The following COL5A2 variants were observed in gnomAD, a reference collection of about 807,000 sequenced individuals.
COL5A2 encodes collagen alpha-2(V) chain.
A neutral mutation model predicts 208.2 loss-of-function variants in COL5A2; 23 were observed. The observed-to-expected ratio is 0.11, with a 90% CI of 0.08 to 0.16. The LOEUF (loss-of-function observed/expected upper bound fraction) is 0.16, where lower values mean the gene tolerates loss of function less well. COL5A2 is among the 10% of genes least tolerant of loss of function. COL5A2 has a pLI of 1.00. For missense variants in COL5A2, 1,590 were observed against 1,956.4 expected (o/e 0.81, Z 3.53); for synonymous variants, 625 against 628.5 (o/e 0.99, Z 0.08).
chr2:189,151,829 A>T (rs904390366), intron 1 of COL5A2, among the ~76,000 whole-genome samples: 6 of 152,184 alleles, frequency 3.9e-5, no homozygotes, highest in Non-Finnish European at 2.9e-5. Context: ...TATCCTAGTA[A>T]GAAATTATAT....
In COL5A2 at chr2:189,033,595, A is replaced by G. The variant is rs1389392789; in HGVS notation, c.*475T>C. Reference sequence around the variant, plus strand: ...ATTTTAAACTCATTTTTAATTGACAATCTTGGAATGAGAGGTCACAAAAGG... The same window carrying G: ...ATTTTAAACTCATTTTTAATTGACAGTCTTGGAATGAGAGGTCACAAAAGG... On this transcript the variant is annotated 3_prime_UTR_variant, in exon 54 of 54. Transcript: ENST00000374866. 5.6e-6 allele frequency: 1 copy of G among 177,474 alleles called. No individual in the cohort carries two copies. Among genetic ancestry groups the G allele is most frequent in the Admixed American group, 5.5e-5 (1 of 18,258 alleles). The allele number at this position is 177,474 out of a possible 1,614,324, so 11.0% of individuals were successfully genotyped here.
the COL5A2 span, among the ~76,000 whole-genome samples, chr2:189,261,223 T>A: frequency 6.6e-6 from 1 of 152,160 alleles, no homozygotes; most frequent in Admixed American, 6.6e-5. Context: ...GAACAATTAA[T>A]ACTGAAACCA....
intron 1 of COL5A2, among the ~76,000 whole-genome samples, chr2:189,179,239 G>A (rs1688737859): frequency 6.6e-6 from 1 of 152,028 alleles, no homozygotes; most frequent in Non-Finnish European, 1.5e-5. Flanking sequence ...TATTTTAAAC[G>A]TCCCACTCTC....
chr2:189,120,609 T>C (rs1431331871), intron 1 of COL5A2, among the ~76,000 whole-genome samples: 1 of 152,232 alleles, frequency 6.6e-6, no homozygotes, highest in African/African-American at 2.4e-5. Context: ...GTATATCATC[T>C]ATTGATTCTC....
chr2:189,087,746 C>T (rs1046159679), intron 8 of COL5A2, among the ~76,000 whole-genome samples: 3 of 151,050 alleles, frequency 2.0e-5, no homozygotes, highest in South Asian at 2.1e-4. Flanking sequence ...GGAGAACAGG[C>T]GTGAGCCACC....
chr2:189,084,673 G>A (rs1314938811), intron 11 of COL5A2, among the ~76,000 whole-genome samples: 2 of 152,116 alleles, frequency 1.3e-5, no homozygotes, highest in African/African-American at 2.4e-5. Context: ...TGTTCTTAAT[G>A]TTAAAATCTG....
At chr2:189,107,468 G>C (rs1687173862) in intron 2 of COL5A2, among the ~76,000 whole-genome samples, 1 of 151,004 alleles carries the variant, frequency 6.6e-6, no homozygotes, top group African/African-American at 2.4e-5. Context: ...GGTTTTTATG[G>C]GACCATGTTT....
the COL5A2 span, among the ~76,000 whole-genome samples, chr2:189,323,021 C>A: frequency 6.6e-6 from 1 of 152,058 alleles, no homozygotes; most frequent in Non-Finnish European, 1.5e-5. Context: ...TCAACATACA[C>A]AAATCAATAA....
chr2:189,124,091 C>T (rs528765337), intron 1 of COL5A2, among the ~76,000 whole-genome samples: 336 of 152,134 alleles, frequency 2.2e-3, no homozygotes, highest in Admixed American at 5.2e-3. Context: ...ACAGGTAAAG[C>T]ATGGTTTACC....
At chr2:189,222,341 T>C (rs1689356692) in intron 1 of COL5A2, among the ~76,000 whole-genome samples, 1 of 152,158 alleles carries the variant, frequency 6.6e-6, no homozygotes, top group Non-Finnish European at 1.5e-5. Context: ...AGAGCACATA[T>C]ATATGTATTT....
At chr2:189,149,094 C>T (rs1398879313) in intron 1 of COL5A2, among the ~76,000 whole-genome samples, 1 of 152,204 alleles carries the variant, frequency 6.6e-6, no homozygotes, top group East Asian at 1.9e-4. Context: ...GAGCCGAGAT[C>T]GCACCACTGC....
At chr2:189,121,176 C>A (rs533862758) in intron 1 of COL5A2, among the ~76,000 whole-genome samples, 2 of 151,934 alleles carry the variant, frequency 1.3e-5, no homozygotes, top group African/African-American at 4.8e-5. Context: ...GATTTGAGTT[C>A]TTTAACTTCC....
chr2:189,381,516 T>C, the COL5A2 span, among the ~76,000 whole-genome samples: 1 of 152,066 alleles, frequency 6.6e-6, no homozygotes, highest in Non-Finnish European at 1.5e-5. Context: ...GGAAGGAAGA[T>C]ACTTTGTTCT....
At chr2:189,096,241 G>A (rs1036016338) in intron 6 of COL5A2, 2 of 152,004 alleles carry the variant, frequency 1.3e-5, no homozygotes, top group South Asian at 2.1e-4. Context: ...AAAATCTACT[G>A]AGAGTTTTAA....
the COL5A2 span, among the ~76,000 whole-genome samples, chr2:189,401,743 T>C: frequency 6.6e-6 from 1 of 152,234 alleles, no homozygotes; most frequent in African/African-American, 2.4e-5. Context: ...TTTGACTTTT[T>C]AATATTAATA....
chr2:189,237,400 C>G, the COL5A2 span, among the ~76,000 whole-genome samples: 1 of 95,316 alleles, frequency 1.0e-5, no homozygotes, highest in Admixed American at 1.1e-4. Context: ...AAGACAATAA[C>G]AGCAAAAAAA....
rs1688059936 is a variant in COL5A2, at chr2:189,147,370, C to T, written c.97+32138G>A. Among the ~76,000 whole-genome samples the T allele has an allele frequency of 2.6e-5, 4 of 152,104 alleles. No homozygotes were observed. In the South Asian group the frequency reaches 8.3e-4, roughly 32 times the overall value. On this transcript the variant is annotated intron_variant, in intron 1 of 53. Coordinates refer to ENST00000374866, the MANE Select transcript of COL5A2 (RefSeq NM_000393.5). ...AAAGACAAGTTGTCAATATGATCCC[C>T]ATTCATAAAGACAGAATTCAGCGAA...
chr2:189,416,180 A>C, the COL5A2 span, among the ~76,000 whole-genome samples: 1 of 152,184 alleles, frequency 6.6e-6, no homozygotes, highest in African/African-American at 2.4e-5. Flanking sequence ...AGAACTAGAA[A>C]TACCATTTGA....
chr2:189,041,106 T>C (rs531079768), intron 50 of COL5A2, among the ~76,000 whole-genome samples: 1 of 152,344 alleles, frequency 6.6e-6, no homozygotes, highest in African/African-American at 2.4e-5. Context: ...TAACATAGTA[T>C]ACAGCTTTGT....
Sources: gnomAD v4.1 joint callset for allele counts (sites outside exome capture counted in the v4.1 genomes callset) on GRCh38, gnomAD v4.1.1 for gene constraint, MANE v1.5 for transcripts, NCBI Gene and HGNC (gene_info 2026-07-23, HGNC 2026-07-21) for gene names.